SRFBP1: variants seen among roughly 807,000 people sequenced by gnomAD.
SRFBP1 encodes serum response factor binding protein 1, also known as serum response factor-binding protein 1.
SRFBP1 carries 47 observed loss-of-function variants against 45.5 expected under a neutral mutation model. The observed-to-expected ratio is 1.03, with a 90% CI of 0.82 to 1.32. The LOEUF (loss-of-function observed/expected upper bound fraction) is 1.32, where lower values mean the gene tolerates loss of function less well. Ranked by LOEUF, SRFBP1 falls within the 40% of genes most tolerant of loss-of-function variation. The pLI, the probability that SRFBP1 is intolerant of heterozygous loss-of-function variation, is 0.00. For synonymous variants in SRFBP1, 203 were observed against 166.3 expected (o/e 1.22, Z -1.70); for missense variants, 621 against 484.6 (o/e 1.28, Z -2.64).
chr5:122,058,483 A>C (rs1253485707), intron 2 of SRFBP1, among the ~76,000 whole-genome samples: 1 of 151,946 alleles, frequency 6.6e-6, no homozygotes, highest in Non-Finnish European at 1.5e-5. Flanking sequence ...TGTAGAATGA[A>C]GAAAATAATA....
At chr5:121,972,971 T>G (rs1435477511) in intron 1 of SRFBP1, among the ~76,000 whole-genome samples, 1 of 151,738 alleles carries the variant, frequency 6.6e-6, no homozygotes, top group South Asian at 2.1e-4. Flanking sequence ...GTAAAGAAAT[T>G]GTAAGTTGGT....
rs192908866 is a variant in SRFBP1 at position 121,975,776 on chromosome 5, G to C, written c.198+389G>C. Among the ~76,000 whole-genome samples, 158 of 151,894 alleles carry C rather than the reference G, an allele frequency of 1.0e-3. 2 individuals are homozygous for C. Among genetic ancestry groups the C allele is most frequent in the African/African-American group, 3.8e-3 (156 of 41,476 alleles). On this transcript the variant is annotated intron_variant, in intron 3 of 7. Transcript: ENST00000339397. ...TGGTGGCTGACATCATGCTTTCCTT[G>C]TTGCCAGCTCAATAAATTTTTATGT... is the stretch of plus-strand genomic sequence containing the variant.
intron 2 of SRFBP1, among the ~76,000 whole-genome samples, chr5:122,046,194 A>AC (rs565912100): frequency 6.7e-4 from 100 of 148,694 alleles, no homozygotes; most frequent in South Asian, 6.2e-3. Context: ...CTATCCCTCC[A>AC]CCCCCCCTCA....
chr5:122,033,297 C>A (rs528110102), downstream of SRFBP1, among the ~76,000 whole-genome samples: 1 of 151,534 alleles, frequency 6.6e-6, no homozygotes, highest in Non-Finnish European at 1.5e-5. Context: ...TGTTGTTTTT[C>A]TATCATGTTA....
intron 3 of SRFBP1, among the ~76,000 whole-genome samples, chr5:121,982,968 A>G (rs1404367480): frequency 6.6e-6 from 1 of 151,826 alleles, no homozygotes; most frequent in Non-Finnish European, 1.5e-5. Flanking sequence ...TATTAATTCA[A>G]AAATTTTGGA....
intron 2 of SRFBP1, among the ~76,000 whole-genome samples, chr5:122,033,750 C>T (rs147899541): frequency 4.0e-5 from 6 of 151,708 alleles, no homozygotes; most frequent in Non-Finnish European, 7.4e-5. Context: ...TGAGCCCCCA[C>T]GCCCAGCCGG....
At chr5:121,966,435 T>G (rs1352801057) in intron 1 of SRFBP1, among the ~76,000 whole-genome samples, 1 of 152,192 alleles carries the variant, frequency 6.6e-6, no homozygotes, top group East Asian at 1.9e-4. Context: ...CTACAGGTAA[T>G]AAGAAGTAGG....
intron 2 of SRFBP1, among the ~76,000 whole-genome samples, chr5:122,050,101 A>C (rs1024320343): frequency 6.6e-6 from 1 of 152,114 alleles, no homozygotes; most frequent in African/African-American, 2.4e-5. Context: ...AACCCACTTC[A>C]TTGGGCTGGA....
intron 1 of SRFBP1, among the ~76,000 whole-genome samples, chr5:121,973,924 A>G (rs900799429): frequency 2.0e-5 from 3 of 151,868 alleles, no homozygotes; most frequent in African/African-American, 4.8e-5. Context: ...GCAAGATATA[A>G]GTGTAACATT....
At chr5:121,999,569 C>T (rs1280428680) in intron 4 of SRFBP1, among the ~76,000 whole-genome samples, 1 of 151,874 alleles carries the variant, frequency 6.6e-6, no homozygotes, top group Non-Finnish European at 1.5e-5. Context: ...GTCAGTTTGC[C>T]TATTTGATCT....
chr5:121,971,638 A>G (rs935684935), intron 1 of SRFBP1, among the ~76,000 whole-genome samples: 5 of 152,050 alleles, frequency 3.3e-5, no homozygotes, highest in East Asian at 1.9e-4. Flanking sequence ...CAAATTAAAT[A>G]TGCACACATA....
chr5:121,995,377 A>C (rs1752700697), intron 4 of SRFBP1, among the ~76,000 whole-genome samples: 2 of 152,344 alleles, frequency 1.3e-5, no homozygotes, highest in African/African-American at 4.8e-5. Flanking sequence ...AAGCCGCTCA[A>C]CTACATGGAA....
intron 2 of SRFBP1, among the ~76,000 whole-genome samples, chr5:122,045,822 C>T (rs1453012094): frequency 2.0e-5 from 3 of 152,162 alleles, no homozygotes; most frequent in African/African-American, 4.8e-5. Context: ...TTAACTTTCT[C>T]TCTTCCTATT....
intron 2 of SRFBP1, among the ~76,000 whole-genome samples, chr5:122,041,930 C>T (rs941781467): frequency 6.6e-6 from 1 of 152,150 alleles, no homozygotes; most frequent in African/African-American, 2.4e-5. Context: ...ATGAAATTCA[C>T]TTTTAAATTT....
At chr5:121,967,141 C>G (rs1179047964) in intron 1 of SRFBP1, among the ~76,000 whole-genome samples, 1 of 151,918 alleles carries the variant, frequency 6.6e-6, no homozygotes, top group Non-Finnish European at 1.5e-5. Context: ...TAGAAAATTG[C>G]TTTTCATTTC....
chr5:121,987,354 T>G (rs936075814), intron 3 of SRFBP1, among the ~76,000 whole-genome samples: 3 of 152,130 alleles, frequency 2.0e-5, no homozygotes, highest in Non-Finnish European at 4.4e-5. Flanking sequence ...AGGAAGAAGA[T>G]CTGATATTTT....
rs535668163 is a variant in SRFBP1 at position 122,070,813 on chromosome 5, T to G, written n.312-4502T>G. The G allele has an allele frequency of 8.6e-4, 290 of 337,060 alleles. 1 individual carries two copies. Among genetic ancestry groups the G allele is most frequent in the African/African-American group, 5.6e-3 (264 of 47,316 alleles). The allele number at this position is 337,060 out of a possible 1,614,324, so 20.9% of individuals were successfully genotyped here. ...AATATAAGTAGTAGTACACCTCACTTCTTAAAAGTGTCATATATCACCAGA... is the reference window on the plus strand; with the variant it reads ...AATATAAGTAGTAGTACACCTCACTGCTTAAAAGTGTCATATATCACCAGA... On this transcript the variant is annotated intron_variant and non_coding_transcript_variant, in intron 2 of 2. Transcript: ENST00000504881.
intron 4 of SRFBP1, among the ~76,000 whole-genome samples, chr5:122,012,019 G>C (rs540153423): frequency 1.3e-5 from 2 of 152,072 alleles, no homozygotes; most frequent in Non-Finnish European, 2.9e-5. Flanking sequence ...TCTGGAGTTG[G>C]GTCATGAAAT....
intron 2 of SRFBP1, among the ~76,000 whole-genome samples, chr5:122,046,737 T>G (rs1252580611): frequency 1.3e-5 from 2 of 152,232 alleles, no homozygotes; most frequent in African/African-American, 4.8e-5. Context: ...ATGTTCGCCA[T>G]TCTAACTGGC....
Sources: allele counts gnomAD v4.1 joint callset (sites outside exome capture counted in the v4.1 genomes callset), GRCh38; gene constraint gnomAD v4.1.1; transcripts MANE v1.5; gene names NCBI Gene and HGNC (gene_info 2026-07-23, HGNC 2026-07-21).